ADAMTS12: variants seen among roughly 807,000 people sequenced by gnomAD.
The protein encoded by ADAMTS12 is A disintegrin and metalloproteinase with thrombospondin motifs 12.
A neutral mutation model predicts 167.8 loss-of-function variants in ADAMTS12; 118 were observed. The observed-to-expected ratio is 0.70, with a 90% CI of 0.61 to 0.82. The LOEUF is 0.82. Among genes scored for constraint, ADAMTS12 ranks in the 40% least tolerant of loss-of-function variants. ADAMTS12 has a pLI of 0.00. For synonymous variants in ADAMTS12, 704 were observed against 716.9 expected, an observed-to-expected ratio of 0.98 and a Z score of 0.29; for missense variants, 1,916 against 1,998.8, an observed-to-expected ratio of 0.96 and a Z score of 0.79.
chr5:33,564,615 C>G (rs907007081), intron 19 of ADAMTS12, among the ~76,000 whole-genome samples: 1 of 152,186 alleles, frequency 6.6e-6, no homozygotes, highest in South Asian at 2.1e-4. Context: ...AGCAAGGATG[C>G]AAGGGCAGGT....
chr5:33,765,782 A>G (rs993138280), intron 2 of ADAMTS12, among the ~76,000 whole-genome samples: 4 of 152,208 alleles, frequency 2.6e-5, no homozygotes, highest in African/African-American at 9.6e-5. Flanking sequence ...AATTTTTTAC[A>G]ACCAAAAAAA....
At position 33,576,252 on chromosome 5, in the gene ADAMTS12, T is replaced by A; in HGVS notation, c.3774A>T (p.Glu1258Asp). The A allele has an allele frequency of 1.9e-6, 3 of 1,614,194 alleles. No homozygotes were observed. The highest frequency in any genetic ancestry group is 2.5e-6 in the Non-Finnish European group (3 of 1,180,026). Residue 1258 changes from glutamate to aspartate, a missense_variant, in exon 19 of 24, where the codon GAA (glutamate) becomes GAT (aspartate). By Grantham distance (45) the Glu-to-Asp change is conservative. Transcript: ENST00000504830. ...TACGGTTTGCCGTCTTTCCTGAGGG[T>A]TCTGGCTGGTGGTCTCCTCCCAGAG... Reference protein sequence around the residue: ...LLPLGGDHQPEPSGKTANRNH... With the variant: ...LLPLGGDHQPDPSGKTANRNH...
At chr5:33,721,622 G>A (rs1386641487) in intron 3 of ADAMTS12, among the ~76,000 whole-genome samples, 2 of 152,224 alleles carry the variant, frequency 1.3e-5, no homozygotes, top group South Asian at 2.1e-4. Context: ...AAAATGGCCA[G>A]AAGATATTGC....
chr5:33,801,994 T>C (rs1747027808), intron 2 of ADAMTS12, among the ~76,000 whole-genome samples: 1 of 152,202 alleles, frequency 6.6e-6, no homozygotes, highest in South Asian at 2.1e-4. Context: ...GATCAGGCCA[T>C]GAGAATGGAG....
intron 3 of ADAMTS12, among the ~76,000 whole-genome samples, chr5:33,737,958 G>A (rs1490708225): frequency 6.6e-6 from 1 of 152,194 alleles, no homozygotes; most frequent in Non-Finnish European, 1.5e-5. Flanking sequence ...TAGTAGGAAA[G>A]TAGTCATTTG....
chr5:33,817,423 C>G (rs1006871610), intron 2 of ADAMTS12, among the ~76,000 whole-genome samples: 1 of 152,166 alleles, frequency 6.6e-6, no homozygotes, highest in Admixed American at 6.5e-5. Flanking sequence ...ACCCTGAATA[C>G]TCAAGGGTCT....
At chr5:33,591,139 C>T (rs1747619223) in intron 17 of ADAMTS12, among the ~76,000 whole-genome samples, 1 of 151,168 alleles carries the variant, frequency 6.6e-6, no homozygotes, top group African/African-American at 2.4e-5. Flanking sequence ...CTTTGAAGAG[C>T]CTGTAGTTGT....
intron 2 of ADAMTS12, among the ~76,000 whole-genome samples, chr5:33,878,871 G>T (rs1750323216): frequency 6.6e-6 from 1 of 152,180 alleles, no homozygotes; most frequent in African/African-American, 2.4e-5. Flanking sequence ...TTCATGTTGA[G>T]CCAGGGTTAA....
At chr5:33,541,624 A>C (rs1178483470) in intron 22 of ADAMTS12, among the ~76,000 whole-genome samples, 4 of 152,238 alleles carry the variant, frequency 2.6e-5, no homozygotes, top group Non-Finnish European at 5.9e-5. Context: ...CATCACACTA[A>C]CAGTGGCTGA....
At chr5:33,879,055 G>C (rs778515636) in intron 2 of ADAMTS12, among the ~76,000 whole-genome samples, 1 of 152,202 alleles carries the variant, frequency 6.6e-6, no homozygotes, top group Non-Finnish European at 1.5e-5. Flanking sequence ...AAGGGATATA[G>C]GTTTCTTTGT....
intron 6 of ADAMTS12, among the ~76,000 whole-genome samples, chr5:33,660,008 G>A (rs1343718002): frequency 6.6e-6 from 1 of 152,120 alleles, no homozygotes; most frequent in Non-Finnish European, 1.5e-5. Flanking sequence ...ACATCTCATG[G>A]GTAGAGGCCA....
At chr5:33,655,074 T>C (rs1741004155) in intron 7 of ADAMTS12, among the ~76,000 whole-genome samples, 6 of 152,088 alleles carry the variant, frequency 3.9e-5, no homozygotes, top group Admixed American at 3.9e-4. Flanking sequence ...GATATAGTGT[T>C]CAGTGTTTTT....
intron 2 of ADAMTS12, among the ~76,000 whole-genome samples, chr5:33,774,476 C>A (rs1745846716): frequency 6.6e-6 from 1 of 152,040 alleles, no homozygotes; most frequent in Non-Finnish European, 1.5e-5. Context: ...TGAAAGCATG[C>A]CCTTTTGGCT....
chr5:33,571,250 T>C (rs1237271417), intron 19 of ADAMTS12, among the ~76,000 whole-genome samples: 1 of 151,960 alleles, frequency 6.6e-6, no homozygotes, highest in Non-Finnish European at 1.5e-5. Context: ...GTGGACCTAA[T>C]AGACATCTAC....
Position 33,620,241 on chromosome 5 carries a change from AC to A in ADAMTS12, c.2143+3989del, listed in dbSNP as rs1739248360. Among the ~76,000 whole-genome samples, 5 of 152,356 alleles carry A rather than the reference AC, an allele frequency of 3.3e-5. No homozygotes were observed. In the South Asian group the frequency reaches 1.0e-3, roughly 32 times the overall value. On this transcript the variant is annotated intron_variant, in intron 14 of 23. Transcript: ENST00000504830. ...CTTATGGTACATATCAAGCAATTCAACTTTTTCCTGTAATGTCATGACTTTT... is the reference window on the plus strand; with the variant it reads ...CTTATGGTACATATCAAGCAATTCAATTTTTCCTGTAATGTCATGACTTTT...
At position 33,637,564 on chromosome 5, in the gene ADAMTS12, T is replaced by C. The variant is rs1489544472; in HGVS notation, c.1888+13A>G. 5.0e-6 allele frequency: 8 copies of C among 1,611,478 alleles called. No homozygotes were observed. The highest frequency in any genetic ancestry group is 4.5e-5 in the East Asian group (2 of 44,826). On this transcript the variant is annotated intron_variant, in intron 12 of 23. Coordinates refer to ENST00000504830, the MANE Select transcript of ADAMTS12 (RefSeq NM_030955.4). ...GTTCCCTAGATCTGAGATACACCATTACAGCTCCTTACCTGGGTTAAAAAT... is the reference window on the plus strand; with the variant it reads ...GTTCCCTAGATCTGAGATACACCATCACAGCTCCTTACCTGGGTTAAAAAT...
chr5:33,739,207 C>T (rs182008457), intron 3 of ADAMTS12, among the ~76,000 whole-genome samples: 4 of 152,028 alleles, frequency 2.6e-5, no homozygotes, highest in South Asian at 2.1e-4. Context: ...TGTGACGTGA[C>T]GAATGTTTAA....
intron 5 of ADAMTS12, among the ~76,000 whole-genome samples, chr5:33,669,062 G>A (rs1354714069): frequency 2.0e-5 from 3 of 152,074 alleles, no homozygotes; most frequent in Non-Finnish European, 4.4e-5. Flanking sequence ...CAAAAATAGG[G>A]ATTTGCATTC....
At chr5:33,548,633 C>G (rs1745098735) in intron 21 of ADAMTS12, among the ~76,000 whole-genome samples, 1 of 151,888 alleles carries the variant, frequency 6.6e-6, no homozygotes, top group Non-Finnish European at 1.5e-5. Context: ...AGAACTTCAT[C>G]AAATAACCTT....
Sources: gnomAD v4.1 joint callset for allele counts (sites outside exome capture counted in the v4.1 genomes callset) on GRCh38, gnomAD v4.1.1 for gene constraint, MANE v1.5 for transcripts, NCBI Gene and HGNC (gene_info 2026-07-23, HGNC 2026-07-21) for gene names.